Variants in RTEL1 observed in about 807,000 individuals in gnomAD.
The protein encoded by RTEL1 is regulator of telomere elongation helicase 1, also known as regulator of telomere length.
RTEL1 carries 86 observed loss-of-function variants against 162.2 expected under a neutral mutation model. The ratio of observed to expected loss-of-function variants is 0.53; its 90% CI spans 0.45 to 0.63. The LOEUF (loss-of-function observed/expected upper bound fraction) is 0.63. Among genes scored for constraint, RTEL1 ranks in the 30% least tolerant of loss-of-function variants. The pLI is 0.00. For synonymous variants in RTEL1, 958 were observed against 717.9 expected (o/e 1.33, Z -5.35); for missense variants, 1,941 against 1,750.2 (o/e 1.11, Z -1.95).
At position 63,668,585 on chromosome 20, in the gene RTEL1, A is replaced by G. The variant is rs972553284; in HGVS notation, c.699+1032A>G. 6.6e-6 allele frequency among the ~76,000 whole-genome samples: 1 copy of G among 152,096 alleles called. No homozygotes were observed. Among genetic ancestry groups the G allele is most frequent in the African/African-American group, 2.4e-5 (1 of 41,490 alleles). Reference sequence around the variant, plus strand: ...AGGGGAGCCTCAGCAGGTGCAGCAGAGCAAGGGAAGAGGTGAGTGGGGGCG... The same window carrying G: ...AGGGGAGCCTCAGCAGGTGCAGCAGGGCAAGGGAAGAGGTGAGTGGGGGCG... On this transcript the variant is annotated intron_variant, in intron 8 of 34. Transcript: ENST00000360203. This position sits in a 1 kb window ranked among gnomAD's most constrained non-coding sequence, Gnocchi z 4.3.
At chr20:63,666,980 C>T (rs2090144570) in intron 7 of RTEL1, among the ~76,000 whole-genome samples, 1 of 151,922 alleles carries the variant, frequency 6.6e-6, no homozygotes, top group Non-Finnish European at 1.5e-5. Context: ...GCTGGGACTA[C>T]AGGTGCCCGC....
In RTEL1 at chr20:63,661,548, G is replaced by A. The variant is rs761336838; in HGVS notation, c.301+52G>A. 1 of 1,559,368 alleles carries A rather than the reference G, an allele frequency of 6.4e-7. No individual in the cohort carries two copies. Among genetic ancestry groups the A allele is most frequent in the Admixed American group, 1.8e-5 (1 of 56,140 alleles). On this transcript the variant is annotated intron_variant, in intron 3 of 34. Coordinates refer to ENST00000360203, the MANE Select transcript of RTEL1 (RefSeq NM_001283009.2). The surrounding 1 kb of genome is among the most constrained non-coding windows in gnomAD (Gnocchi z 5.1). ...GGCCTCCTGTGGGGATGGTTGGCAA[G>A]GGATGGCGCTGAGGGTGGGGTGGGC... is the stretch of plus-strand genomic sequence containing the variant.
At chr20:63,692,077 T>C in intron 28 of RTEL1, 1 of 493,632 alleles carries the variant, frequency 2.0e-6, no homozygotes. Context: ...GCATGGGGCC[T>C]GCAGCACTGG....
intron 30 of RTEL1, among the ~76,000 whole-genome samples, chr20:63,693,973 G>T (rs1487400026): frequency 6.6e-6 from 1 of 151,428 alleles, no homozygotes; most frequent in Non-Finnish European, 1.5e-5. Flanking sequence ...GTTTGGGGTG[G>T]AGTCCAAGTC....
rs904584227 is a variant in RTEL1 at position 63,668,019 on chromosome 20, C to G, written c.699+466C>G. Reference sequence around the variant, plus strand: ...TGCCCGGCCCCACACTCACTCCCCCCACAGCATGTGCCCGGCCTGACACTC... The same window carrying G: ...TGCCCGGCCCCACACTCACTCCCCCGACAGCATGTGCCCGGCCTGACACTC... On this transcript the variant is annotated intron_variant, in intron 8 of 34. Coordinates refer to ENST00000360203, the MANE Select transcript of RTEL1 (RefSeq NM_001283009.2). This position sits in a 1 kb window ranked among gnomAD's most constrained non-coding sequence, Gnocchi z 4.3. Among the ~76,000 whole-genome samples, 4 of 150,248 alleles carry G rather than the reference C, an allele frequency of 2.7e-5. No homozygotes were observed. Among genetic ancestry groups the G allele is most frequent in the African/African-American group, 9.8e-5 (4 of 40,718 alleles).
Position 63,690,802 on chromosome 20 carries a change from C to G in RTEL1, c.2414-3C>G, listed in dbSNP as rs1160653568. 6.2e-7 allele frequency: 1 copy of G among 1,601,828 alleles called. No homozygotes were observed. The highest frequency in any genetic ancestry group is 2.2e-5 in the East Asian group (1 of 44,568). On this transcript the variant is annotated splice_polypyrimidine_tract_variant and splice_region_variant and intron_variant, in intron 26 of 34. Transcript: ENST00000360203. ...TTCACTGCGCACTCGGGTGCCCCTG[C>G]AGGGTCACCAGCTGCCGGGGACCCC...
In RTEL1 at chr20:63,690,125, G is replaced by A; in HGVS notation, c.2180G>A (p.Trp727Ter). ...FADARAQLPS[W>*]VRPHVRVYDN... ...GACGCAAGAGCCCAACTGCCCTCCT[G>A]GGTGCGTCCCCACGTCAGGGTGTAT... The change falls in exon 25 of 35, where the codon TGG (tryptophan) becomes TAG (stop). Residue 727 changes from tryptophan to a stop codon, truncating the protein, a stop_gained. Coordinates refer to ENST00000360203, the MANE Select transcript of RTEL1 (RefSeq NM_001283009.2). LOFTEE classifies it high-confidence loss of function. 1 of 1,612,356 alleles carries A rather than the reference G, an allele frequency of 6.2e-7. No individual in the cohort carries two copies. The highest frequency in any genetic ancestry group is 8.5e-7 in the Non-Finnish European group (1 of 1,179,840).
intron 26 of RTEL1, 113 bp from the exon 27 acceptor site, chr20:63,690,692 C>T (rs1284845468): frequency 1.6e-6 from 2 of 1,262,734 alleles, no homozygotes; most frequent in Non-Finnish European, 2.2e-6. Context: ...GGAGGACACC[C>T]ACAGGCAGGA....
Position 63,696,243 on chromosome 20 carries a change from C to T in RTEL1, c.*385C>T, listed in dbSNP as rs748880689. The T allele has an allele frequency of 2.6e-5, 8 of 305,894 alleles. No individual in the cohort carries two copies. The highest frequency in any genetic ancestry group is 9.2e-4 in the Middle Eastern group (1 of 1,088). 18.9% of individuals were successfully genotyped at this position (305,894 alleles called of 1,614,324 possible). Reference sequence around the variant, plus strand: ...TCTCTAATAAAGCTGCTGGCAGTGCCCAGGACGGTGTCTTCGTGGCCTGGG... The same window carrying T: ...TCTCTAATAAAGCTGCTGGCAGTGCTCAGGACGGTGTCTTCGTGGCCTGGG... On this transcript the variant is annotated 3_prime_UTR_variant, in exon 35 of 35. Transcript: ENST00000360203.
intron 10 of RTEL1, among the ~76,000 whole-genome samples, chr20:63,677,062 G>T (rs2146207651): frequency 6.6e-6 from 1 of 150,938 alleles, no homozygotes; most frequent in Non-Finnish European, 1.5e-5. Context: ...GTGTTTTCAT[G>T]TGGGCTCTTG....
rs565248550 is a variant in RTEL1, at chr20:63,668,085, C to A, written c.699+532C>A. On this transcript the variant is annotated intron_variant, in intron 8 of 34. Coordinates refer to ENST00000360203, the MANE Select transcript of RTEL1 (RefSeq NM_001283009.2). This position sits in a 1 kb window ranked among gnomAD's most constrained non-coding sequence, Gnocchi z 4.3. Reference sequence around the variant, plus strand: ...GTGTGTGCCCAGCCCCACTCCCTTCCGCCCCGTGTGCCCAGCCCCACGCTC... The same window carrying A: ...GTGTGTGCCCAGCCCCACTCCCTTCAGCCCCGTGTGCCCAGCCCCACGCTC... Among the ~76,000 whole-genome samples, 1 of 149,748 alleles carries A rather than the reference C, an allele frequency of 6.7e-6. No homozygotes were observed. The highest frequency in any genetic ancestry group is 2.5e-5 in the African/African-American group (1 of 40,620).
intron 16 of RTEL1, chr20:63,686,842 C>G (rs1453885338): frequency 6.0e-6 from 1 of 165,638 alleles, no homozygotes; most frequent in African/African-American, 2.4e-5. Flanking sequence ...AGCCGGTGCA[C>G]AGATTCCAAG....
At chr20:63,665,520 CCTGGCTCTCCCTTAG>C (rs1306272028) in intron 6 of RTEL1, among the ~76,000 whole-genome samples, 2 of 152,188 alleles carry the variant, frequency 1.3e-5, no homozygotes, top group African/African-American at 4.8e-5. Flanking sequence ...CCCAGGAAAA[CCTGGCTCTCCCTTAG>C]CTGGAAGTTC....
At chr20:63,664,485 G>A (rs185707235) in intron 6 of RTEL1, among the ~76,000 whole-genome samples, 125 of 152,270 alleles carry the variant, frequency 8.2e-4, no homozygotes, top group Non-Finnish European at 1.4e-3. Flanking sequence ...GCCTCTGACT[G>A]CCTCCTGGTG....
rs1412538511 is a variant in RTEL1 at position 63,671,804 on chromosome 20, T to A, written c.700-752T>A. ...CCATGCCCGGCCAATGTGTGAAAAT[T>A]TAAAAGTACCAAAGCTGGACCCCAC... is the stretch of plus-strand genomic sequence containing the variant. On this transcript the variant is annotated intron_variant, in intron 8 of 34. Transcript: ENST00000360203. Among the ~76,000 whole-genome samples the A allele has an allele frequency of 8.7e-5, 13 of 148,808 alleles. No individual in the cohort carries two copies. In the East Asian group the frequency reaches 2.7e-3, roughly 31 times the overall value.
At chr20:63,667,977 C>A (rs1166531122) in intron 8 of RTEL1, among the ~76,000 whole-genome samples, 1 of 151,062 alleles carries the variant, frequency 6.6e-6, no homozygotes, top group Non-Finnish European at 1.5e-5. Flanking sequence ...CACACTCACT[C>A]CCCTCTTCCC....
At position 63,688,190 on chromosome 20, in the gene RTEL1, T is replaced by C; in HGVS notation, c.1636+11T>C. 1 of 1,611,592 alleles carries C rather than the reference T, an allele frequency of 6.2e-7. No individual in the cohort carries two copies. Among genetic ancestry groups the C allele is most frequent in the Non-Finnish European group, 8.5e-7 (1 of 1,179,920 alleles). ...TGGGGAAGGCTCTGGGTGAGTGCCC[T>C]GAATGCCCCAGCTGTGCCCATCCTG... On this transcript the variant is annotated intron_variant, in intron 19 of 34. Transcript: ENST00000360203.
chr20:63,676,164 A>G (rs3787099), intron 10 of RTEL1, among the ~76,000 whole-genome samples: 12,717 of 152,112 alleles, frequency 0.084, 708 homozygotes, highest in South Asian at 0.24. Context: ...CACCTCCTGC[A>G]GCCTCCACCT....
At chr20:63,669,579 A>T (rs966722361) in intron 8 of RTEL1, among the ~76,000 whole-genome samples, 8 of 152,384 alleles carry the variant, frequency 5.2e-5, no homozygotes, top group African/African-American at 1.9e-4. Flanking sequence ...AGAGTATGTA[A>T]AATTCTCCCA....
Sources: allele counts gnomAD v4.1 joint callset (sites outside exome capture counted in the v4.1 genomes callset), GRCh38; gene constraint gnomAD v4.1.1; non-coding constraint Gnocchi (gnomAD v3.1); transcripts MANE v1.5; gene names NCBI Gene and HGNC (gene_info 2026-07-23, HGNC 2026-07-21).